The following RNFT2 variants were observed in gnomAD, a reference collection of about 807,000 sequenced individuals.
RNFT2 encodes the protein E3 ubiquitin-protein ligase RNFT2.
A neutral mutation model predicts 53.0 loss-of-function variants in RNFT2; 36 were observed. The ratio of observed to expected loss-of-function variants is 0.68; its 90% confidence interval spans 0.52 to 0.90. The LOEUF (loss-of-function observed/expected upper bound fraction) is 0.90, where lower values mean the gene tolerates loss of function less well. RNFT2 is among the 40% of genes least tolerant of loss of function. RNFT2 has a pLI of 0.00. For synonymous variants in RNFT2, 260 were observed against 253.2 expected, an observed-to-expected ratio of 1.03 and a Z score of -0.26; for missense variants, 514 against 585.6, an observed-to-expected ratio of 0.88 and a Z score of 1.26.
At chr12:116,821,283 C>T (rs1371584816) in intron 7 of RNFT2, among the ~76,000 whole-genome samples, 3 of 152,046 alleles carry the variant, frequency 2.0e-5, no homozygotes, top group African/African-American at 7.2e-5. Flanking sequence ...CAGTCCTGCC[C>T]CGTCACACTT....
In RNFT2 at chr12:116,832,440, G is replaced by A. The variant is rs556975221; in HGVS notation, c.883-1352G>A. On this transcript the variant is annotated intron_variant, in intron 7 of 10. Transcript: ENST00000257575. ...GGACAGTATCCTGTTGTATAAATAC[G>A]CCATCATTTGTTTATCCGTTCTTCC... Among the ~76,000 whole-genome samples the A allele has an allele frequency of 5.9e-5, 9 of 152,086 alleles. No homozygotes were observed. In the South Asian group the frequency reaches 6.2e-4, roughly 11 times the overall value.
chr12:116,847,518 TTCTC>T (rs1367765424), intron 10 of RNFT2, among the ~76,000 whole-genome samples: 3 of 145,154 alleles, frequency 2.1e-5, no homozygotes, highest in African/African-American at 4.9e-5. Flanking sequence ...CTCCCTGCCT[TTCTC>T]TCTCTCTCTC....
In RNFT2 at chr12:116,815,395, C is replaced by T. The variant is rs117970574; in HGVS notation, c.883-18397C>T. ...GGTCAGATGTCCAAAATCTGTGTCA[C>T]TGGGCTAAAGCCAAGGTGTCTGCAC... is the stretch of plus-strand genomic sequence containing the variant. On this transcript the variant is annotated intron_variant, in intron 7 of 10. Transcript: ENST00000257575. Among the ~76,000 whole-genome samples, 1,133 of 152,320 alleles carry T rather than the reference C, an allele frequency of 7.4e-3. 10 individuals carry two copies. Among genetic ancestry groups the T allele is most frequent in the South Asian group, 0.026 (124 of 4,826 alleles).
chr12:116,743,213 T>TAAAAA (rs762013507), intron 3 of RNFT2, among the ~76,000 whole-genome samples: 243 of 10,612 alleles, frequency 0.023, 26 homozygotes, highest in Non-Finnish European at 0.026. Flanking sequence ...AGGTAGAATC[T>TAAAAA]AAAAAAAAAA....
intron 7 of RNFT2, among the ~76,000 whole-genome samples, chr12:116,796,364 A>G (rs894960449): frequency 7.2e-5 from 11 of 152,320 alleles, no homozygotes; most frequent in Admixed American, 1.3e-4. Context: ...CCAACTTGCC[A>G]TCTTTTCCAT....
At chr12:116,842,980 C>T (rs769793201) in intron 10 of RNFT2, among the ~76,000 whole-genome samples, 7 of 152,298 alleles carry the variant, frequency 4.6e-5, no homozygotes, top group South Asian at 2.1e-4. Context: ...TCTCGGCTCA[C>T]GCTGAACACC....
chr12:116,739,927 C>A (rs1020489496), intron 1 of RNFT2, among the ~76,000 whole-genome samples: 1 of 152,112 alleles, frequency 6.6e-6, no homozygotes, highest in African/African-American at 2.4e-5. Flanking sequence ...CAAAGAGGGC[C>A]GGGCATGGTG....
intron 4 of RNFT2, among the ~76,000 whole-genome samples, chr12:116,750,878 A>G (rs374043161): frequency 0.33 from 1,020 of 3,130 alleles, 34 homozygotes; most frequent in Non-Finnish European, 0.45. Context: ...TATAATATAT[A>G]TATTATATAT....
chr12:116,753,954 G>T, intron 4 of RNFT2, 30 bp from the exon 5 acceptor site: 1 of 1,597,156 alleles, frequency 6.3e-7, no homozygotes. Context: ...AGTCTAAGTG[G>T]GTGACATCAG....
intron 7 of RNFT2, 24 bp from the exon 8 acceptor site, chr12:116,833,768 T>G: frequency 6.2e-7 from 1 of 1,611,010 alleles, no homozygotes; most frequent in Non-Finnish European, 8.5e-7. Flanking sequence ...CTAATAATAA[T>G]TGATGTTCTC....
chr12:116,810,933 C>T (rs943475267), intron 7 of RNFT2, among the ~76,000 whole-genome samples: 37 of 152,198 alleles, frequency 2.4e-4, no homozygotes, highest in Admixed American at 1.7e-3. Flanking sequence ...ACTGATAACA[C>T]GTCTCAACTT....
At position 116,761,452 on chromosome 12, in the gene RNFT2, T is replaced by C. The variant is rs1006907630; in HGVS notation, c.628-5362T>C. Among the ~76,000 whole-genome samples, 143 of 152,274 alleles carry C rather than the reference T, an allele frequency of 9.4e-4. 1 individual carries two copies. Among genetic ancestry groups the C allele is most frequent in the African/African-American group, 3.4e-3 (141 of 41,550 alleles). On this transcript the variant is annotated intron_variant, in intron 5 of 10. Transcript: ENST00000257575. ...CGTGAGCCACCATGCCTGGCCCCAT[T>C]AGGTTACTTTCATTCCACCTTCATG...
chr12:116,798,825 C>T (rs1052882533), intron 7 of RNFT2, among the ~76,000 whole-genome samples: 1 of 151,478 alleles, frequency 6.6e-6, no homozygotes, highest in Non-Finnish European at 1.5e-5. Flanking sequence ...ATCTACCTGC[C>T]TCCGCCTCCA....
At position 116,739,297 on chromosome 12, in the gene RNFT2, A is replaced by G. The variant is rs989057544; in HGVS notation, c.-154+927A>G. The stretch of plus-strand genomic sequence containing the variant: ...AGGTGGGACAGGGAGCAAGGGATCT[A>G]GAAAAGGGGAACTGGGAGACCCATA... On this transcript the variant is annotated intron_variant, in intron 1 of 10. Coordinates refer to ENST00000257575, the MANE Select transcript of RNFT2 (RefSeq NM_001382266.1). Among the ~76,000 whole-genome samples, 3 of 152,202 alleles carry G rather than the reference A, an allele frequency of 2.0e-5. No homozygotes were observed. In the East Asian group the frequency reaches 5.8e-4, roughly 29 times the overall value.
chr12:116,800,267 CG>C (rs1320244965), intron 7 of RNFT2, among the ~76,000 whole-genome samples: 6 of 151,990 alleles, frequency 3.9e-5, no homozygotes, highest in Non-Finnish European at 7.4e-5. Flanking sequence ...GAGGCCAGGG[CG>C]GGCAGATCAT....
At chr12:116,833,616 G>A (rs1027606124) in intron 7 of RNFT2, among the ~76,000 whole-genome samples, 176 bp from the exon 8 acceptor site, 5 of 152,192 alleles carry the variant, frequency 3.3e-5, no homozygotes, top group East Asian at 1.9e-4. Flanking sequence ...GGCAGGGGCC[G>A]CGTCTCCCTG....
intron 10 of RNFT2, among the ~76,000 whole-genome samples, chr12:116,838,358 C>T (rs1877084542): frequency 6.6e-6 from 1 of 152,204 alleles, no homozygotes; most frequent in Non-Finnish European, 1.5e-5. Flanking sequence ...AATATTAGCT[C>T]TTATGGGCAT....
rs1245654774 is a variant in RNFT2 at position 116,853,307 on chromosome 12, A to T, written c.*3859A>T. The T allele has an allele frequency of 5.0e-6, 2 of 398,014 alleles. No homozygotes were observed. Among genetic ancestry groups the T allele is most frequent in the Non-Finnish European group, 8.9e-6 (2 of 225,848 alleles). The allele number at this position is 398,014 out of a possible 1,614,324, so 24.7% of individuals were successfully genotyped here. A position where few individuals can be genotyped will look rare whatever the true frequency, so the allele number is the denominator to read the frequency against. On this transcript the variant is annotated 3_prime_UTR_variant, in exon 11 of 11. Transcript: ENST00000257575. The stretch of plus-strand genomic sequence containing the variant: ...CACAGTATCCTGCCCTTATTATTTT[A>T]TGATTCACTGACTCAAGTTCCACGA...
intron 7 of RNFT2, among the ~76,000 whole-genome samples, chr12:116,825,213 C>G (rs1876264921): frequency 6.6e-6 from 1 of 152,184 alleles, no homozygotes; most frequent in Non-Finnish European, 1.5e-5. Context: ...TCCACATGTC[C>G]TCTTCACTGG....
Sources: allele counts gnomAD v4.1 joint callset (sites outside exome capture counted in the v4.1 genomes callset), GRCh38; gene constraint gnomAD v4.1.1; transcripts MANE v1.5; gene names NCBI Gene and HGNC (gene_info 2026-07-23, HGNC 2026-07-21).